The following TERF2 variants were observed in gnomAD, a reference collection of about 807,000 sequenced individuals.
TERF2 encodes telomeric repeat binding factor 2, also known as telomeric repeat-binding factor 2.
Under a neutral mutation model 56.1 loss-of-function variants are expected in TERF2, and 16 were observed. That is an observed-to-expected ratio of 0.29 (90% CI 0.19 to 0.43). The LOEUF (loss-of-function observed/expected upper bound fraction) is 0.43, where lower values mean the gene tolerates loss of function less well. TERF2 is among the 20% of genes least tolerant of loss of function. TERF2 has a pLI of 1.00. For synonymous variants in TERF2, 296 were observed against 282.1 expected, an observed-to-expected ratio of 1.05 and a Z score of -0.50; for missense variants, 547 against 712.9, an observed-to-expected ratio of 0.77 and a Z score of 2.65.
At chr16:69,376,691 CAAA>C (rs1003834288) in intron 3 of TERF2, among the ~76,000 whole-genome samples, 3 of 94,778 alleles carry the variant, frequency 3.2e-5, no homozygotes, top group Admixed American at 1.1e-4. Context: ...CCATCTTTAC[CAAA>C]AAAAAAAAAA....
Position 69,385,596 on chromosome 16 carries a change from G to A in TERF2, c.376C>T (p.Gln126Ter). Residue 126 changes from glutamine (Q) to a stop codon, truncating the protein, a stop_gained, in exon 1 of 10, where the codon CAG (glutamine) becomes TAG (stop). Coordinates refer to ENST00000254942, the MANE Select transcript of TERF2 (RefSeq NM_005652.5). LOFTEE classifies it high-confidence loss of function. ...GDFRQIRDIM[Q>*]ALLVRPLGKE... ...CCTCCCCCGGCCCGGCCCTCACCCT[G>A]CATGATGTCCCGGATCTGTCTGAAG... The A allele has an allele frequency of 6.5e-7, 1 of 1,534,172 alleles. No individual in the cohort carries two copies. The highest frequency in any genetic ancestry group is 8.8e-7 in the Non-Finnish European group (1 of 1,137,994).
chr16:69,364,145 T>C (rs1206976106), intron 7 of TERF2, among the ~76,000 whole-genome samples: 2 of 152,284 alleles, frequency 1.3e-5, no homozygotes, highest in East Asian at 3.9e-4. Context: ...ACTTGGTGAA[T>C]AAATACCTAG....
intron 7 of TERF2, chr16:69,365,418 C>T (rs115652101): frequency 0.019 from 2,958 of 152,378 alleles, 93 homozygotes; most frequent in African/African-American, 0.067. Flanking sequence ...ACCACAGGTC[C>T]CCAAATAATA....
Position 69,370,638 on chromosome 16 carries a change from T to G in TERF2, c.694-9A>C. 6.3e-7 allele frequency: 1 copy of G among 1,595,304 alleles called. No individual in the cohort carries two copies. Among genetic ancestry groups the G allele is most frequent in the Non-Finnish European group, 8.5e-7 (1 of 1,170,510 alleles). On this transcript the variant is annotated splice_polypyrimidine_tract_variant and intron_variant, in intron 4 of 9. Transcript: ENST00000254942. ...AGATCATTTCTCAGCTTCTACACAA[T>G]GGACCGATATTTGCAACATGAGAAA...
chr16:69,365,424 T>C (rs1272066549), intron 7 of TERF2: 2 of 152,426 alleles, frequency 1.3e-5, no homozygotes, highest in African/African-American at 4.8e-5. Flanking sequence ...GGTCCCCAAA[T>C]AATACAACAC....
intron 7 of TERF2, among the ~76,000 whole-genome samples, chr16:69,364,027 C>CA (rs2142719059): frequency 6.6e-6 from 1 of 152,284 alleles, no homozygotes; most frequent in East Asian, 1.9e-4. Flanking sequence ...ATGGAACAGA[C>CA]AGACAACTCA....
chr16:69,383,364 G>A (rs2014074718), intron 3 of TERF2, among the ~76,000 whole-genome samples: 1 of 152,136 alleles, frequency 6.6e-6, no homozygotes, highest in South Asian at 2.1e-4. Flanking sequence ...CTGTTCCCAA[G>A]TATTTTGGAT....
At chr16:69,383,848 G>C (rs147541061) in intron 3 of TERF2, among the ~76,000 whole-genome samples, 84 of 152,246 alleles carry the variant, frequency 5.5e-4, no homozygotes, top group Admixed American at 1.3e-3. Context: ...CTTAGCTGAT[G>C]TTTTCCATCT....
intron 7 of TERF2, chr16:69,364,887 C>G (rs537143906): frequency 6.6e-6 from 1 of 152,352 alleles, no homozygotes; most frequent in African/African-American, 2.4e-5. Flanking sequence ...ACTTTGCAAG[C>G]CTGTCTCTGC....
intron 7 of TERF2, among the ~76,000 whole-genome samples, chr16:69,363,441 A>C (rs2013219485): frequency 6.6e-6 from 1 of 152,132 alleles, no homozygotes; most frequent in South Asian, 2.1e-4. Flanking sequence ...GCCTCTCCTG[A>C]CTTCCCAAGT....
chr16:69,384,559 G>T (rs1228354991), intron 3 of TERF2, 21 bp downstream of exon 3: 12 of 1,608,124 alleles, frequency 7.5e-6, no homozygotes, highest in South Asian at 2.2e-5. Flanking sequence ...AAAGAAAAAA[G>T]ATATAAAAAT....
At chr16:69,383,610 A>G (rs760204908) in intron 3 of TERF2, among the ~76,000 whole-genome samples, 19 of 152,346 alleles carry the variant, frequency 1.2e-4, no homozygotes, top group Admixed American at 7.8e-4. Flanking sequence ...TACCAGACCA[A>G]AAGTAGTATC....
rs566354206 is a variant in TERF2, at chr16:69,355,916, C to G, written c.*982G>C. 10 of 164,972 alleles carry G rather than the reference C, an allele frequency of 6.1e-5. No homozygotes were observed. Among genetic ancestry groups the G allele is most frequent in the Non-Finnish European group, 8.0e-5 (6 of 75,280 alleles). The allele number at this position is 164,972 out of a possible 1,614,324, so 10.2% of individuals were successfully genotyped here. A position where few individuals can be genotyped will look rare whatever the true frequency, so the allele number is the denominator to read the frequency against. ...AGGCAGGGGACAGGGGGCAGGGGATCAGGGAACTAATCTTATCTACAATCA... is the reference window on the plus strand; with the variant it reads ...AGGCAGGGGACAGGGGGCAGGGGATGAGGGAACTAATCTTATCTACAATCA... On this transcript the variant is annotated 3_prime_UTR_variant, in exon 10 of 10. Transcript: ENST00000254942.
At chr16:69,376,383 C>T (rs2013778651) in intron 3 of TERF2, among the ~76,000 whole-genome samples, 1 of 152,120 alleles carries the variant, frequency 6.6e-6, no homozygotes, top group Non-Finnish European at 1.5e-5. Flanking sequence ...TTTTTAGATG[C>T]TCTCTTCTGT....
At position 69,367,131 on chromosome 16, in the gene TERF2, C is replaced by T. The variant is rs756795095; in HGVS notation, c.1016G>A (p.Gly339Asp). ...AAAGGCTGCCTCAGAATCCTGTGCA[C>T]CAGACAGAGTCTTGAAAGCTGCTTT... is the stretch of plus-strand genomic sequence containing the variant. The part of the protein sequence containing the change: ...TLKAAFKTLS[G>D]AQDSEAAFAK... Residue 339 changes from glycine (G) to aspartate (D), a missense_variant, in exon 7 of 10, where the codon GGT becomes GAT. By Grantham distance (94) the Gly-to-Asp change is moderately conservative. Around this residue, in one of 6 missense-constraint regions of TERF2, gnomAD observed 211 missense variants for 236.8 expected, o/e 0.89. Coordinates refer to ENST00000254942, the MANE Select transcript of TERF2 (RefSeq NM_005652.5). 19 of 1,614,184 alleles carry T rather than the reference C, an allele frequency of 1.2e-5. No individual in the cohort carries two copies. Among genetic ancestry groups the T allele is most frequent in the South Asian group, 2.2e-5 (2 of 91,082 alleles).
intron 6 of TERF2, among the ~76,000 whole-genome samples, chr16:69,367,739 G>A (rs1284311123): frequency 6.6e-6 from 1 of 152,150 alleles, no homozygotes; most frequent in Non-Finnish European, 1.5e-5. Context: ...AATCCATCTG[G>A]CAGCCTGTCT....
chr16:69,366,954 C>T lies in TERF2; in HGVS notation c.1193G>A (p.Arg398His), dbSNP rs775609799. 10 of 1,614,088 alleles carry T rather than the reference C, an allele frequency of 6.2e-6. No individual in the cohort carries two copies. The highest frequency in any genetic ancestry group is 1.1e-5 in the South Asian group (1 of 91,092). Reference protein sequence around the residue: ...GGSELQPKNKRMTISRLVLEE... With the variant: ...GGSELQPKNKHMTISRLVLEE... ...CAAGACCAATCTGCTTATTGTCATG[C>T]GCTTGTTCTTGGGCTGCAGTTCCGA... Residue 398 changes from arginine to histidine, a missense_variant, in exon 7 of 10, where the codon CGC (arginine) becomes CAC (histidine). Arg to His is a conservative substitution (Grantham distance 29, BLOSUM62 0). Transcript: ENST00000254942.
At chr16:69,361,941 C>T (rs2142712669) in intron 7 of TERF2, among the ~76,000 whole-genome samples, 1 of 150,628 alleles carries the variant, frequency 6.6e-6, no homozygotes, top group East Asian at 1.9e-4. Context: ...TTCCACTAGC[C>T]TCTTAACTAG....
rs910906885 is a variant in TERF2, at chr16:69,356,102, G to A, written c.*796C>T. 2.4e-6 allele frequency: 1 copy of A among 414,688 alleles called. No individual in the cohort carries two copies. The highest frequency in any genetic ancestry group is 2.1e-5 in the African/African-American group (1 of 48,554). 25.7% of individuals were successfully genotyped at this position (414,688 alleles called of 1,614,324 possible). A position where few individuals can be genotyped will look rare whatever the true frequency, so the allele number is the denominator to read the frequency against. On this transcript the variant is annotated 3_prime_UTR_variant, in exon 10 of 10. Transcript: ENST00000254942. ...TTTTAAAGGGAATCTTATTCCACAA[G>A]GACTGGTCTGTCATCAACCTGGGTT... is the stretch of plus-strand genomic sequence containing the variant.
Sources: gnomAD v4.1 joint callset for allele counts (sites outside exome capture counted in the v4.1 genomes callset) on GRCh38, gnomAD v4.1.1 for gene constraint, gnomAD v4.1.1 regional missense constraint, MANE v1.5 for transcripts, NCBI Gene and HGNC (gene_info 2026-07-23, HGNC 2026-07-21) for gene names.